GPC5: variants seen among roughly 807,000 people sequenced by gnomAD.
The protein encoded by GPC5 is glypican-5.
A neutral mutation model predicts 53.9 loss-of-function variants in GPC5; 47 were observed. The ratio of observed to expected loss-of-function variants is 0.87; its 90% confidence interval spans 0.69 to 1.11. The LOEUF (loss-of-function observed/expected upper bound fraction) is 1.11. Ranked by LOEUF, GPC5 falls within the 50% of genes most tolerant of loss-of-function variation. The probability of loss-of-function intolerance (pLI) is 0.00; values close to 1 mark genes in which losing one functional copy is unlikely to be tolerated. For synonymous variants in GPC5, 286 were observed against 263.3 expected (o/e 1.09, Z -0.84); for missense variants, 748 against 713.1 (o/e 1.05, Z -0.56).
chr13:92,044,037 T>G (rs111380134), intron 6 of GPC5, among the ~76,000 whole-genome samples: 2,853 of 152,314 alleles, frequency 0.019, 99 homozygotes, highest in African/African-American at 0.066. Context: ...CCCCTTTGAC[T>G]TGAACCATGG....
chr13:91,992,794 A>C (rs1000368388), intron 6 of GPC5, among the ~76,000 whole-genome samples: 1 of 152,156 alleles, frequency 6.6e-6, no homozygotes, highest in Non-Finnish European at 1.5e-5. Flanking sequence ...GTGCAATTAC[A>C]TATATATAAA....
In GPC5 at chr13:91,689,803, T is replaced by C. The variant is rs10129062; in HGVS notation, c.326-3384T>C. 5.3e-3 allele frequency among the ~76,000 whole-genome samples: 800 copies of C among 152,166 alleles called. 13 individuals are homozygous for C. The highest frequency in any genetic ancestry group is 0.035 in the South Asian group (167 of 4,824). ...GAGATGTCATCTCCTGTGATAACAA[T>C]GCCTTCCTCTGGAAGAACTCACTTA... On this transcript the variant is annotated intron_variant, in intron 2 of 7. Transcript: ENST00000377067.
intron 7 of GPC5, among the ~76,000 whole-genome samples, chr13:92,605,884 C>G (rs2139087889): frequency 6.6e-6 from 1 of 151,922 alleles, no homozygotes; most frequent in African/African-American, 2.4e-5. Context: ...GGTTATTAAT[C>G]AGTAATATAA....
At chr13:91,487,727 A>G (rs1173706574) in intron 2 of GPC5, among the ~76,000 whole-genome samples, 2 of 152,146 alleles carry the variant, frequency 1.3e-5, no homozygotes, top group African/African-American at 4.8e-5. Flanking sequence ...AAAATCTATT[A>G]TCTCTACTTC....
At chr13:92,607,654 GATAA>G (rs981117700) in intron 7 of GPC5, among the ~76,000 whole-genome samples, 23 of 151,962 alleles carry the variant, frequency 1.5e-4, no homozygotes, top group African/African-American at 5.3e-4. Flanking sequence ...CATTTTAATT[GATAA>G]ATAAAATTAT....
intron 6 of GPC5, among the ~76,000 whole-genome samples, chr13:92,125,401 T>A (rs1183588725): frequency 6.6e-6 from 1 of 152,164 alleles, no homozygotes; most frequent in Non-Finnish European, 1.5e-5. Flanking sequence ...GGCATGGAGA[T>A]AATGACAGAA....
At chr13:91,493,644 G>A (rs1884064431) in intron 2 of GPC5, among the ~76,000 whole-genome samples, 3 of 152,038 alleles carry the variant, frequency 2.0e-5, no homozygotes, top group African/African-American at 7.2e-5. Flanking sequence ...GGGGGCCCTC[G>A]AGGCTGCCTG....
In GPC5 at chr13:91,730,628, G is replaced by C. The variant is rs76377798; in HGVS notation, c.1154+1963G>C. Among the ~76,000 whole-genome samples the C allele has an allele frequency of 6.6e-3, 998 of 152,254 alleles. 13 individuals carry two copies. The highest frequency in any genetic ancestry group is 0.023 in the African/African-American group (958 of 41,558). On this transcript the variant is annotated intron_variant, in intron 4 of 7. Transcript: ENST00000377067. ...CCACACAGCCATGAAACTTCAGATA[G>C]CACTGAATAAGTAAACAGGCTTAAC...
intron 7 of GPC5, among the ~76,000 whole-genome samples, chr13:92,475,700 T>C (rs773465597): frequency 6.6e-6 from 1 of 152,074 alleles, no homozygotes; most frequent in South Asian, 2.1e-4. Flanking sequence ...TATAGATCAA[T>C]GGAACAGAAC....
intron 7 of GPC5, among the ~76,000 whole-genome samples, chr13:92,489,055 A>G (rs1244616324): frequency 6.6e-6 from 1 of 152,186 alleles, no homozygotes; most frequent in African/African-American, 2.4e-5. Flanking sequence ...ATTATGCACA[A>G]ATCAGCACAT....
chr13:92,496,584 C>T (rs1344421492), intron 7 of GPC5, among the ~76,000 whole-genome samples: 4 of 152,114 alleles, frequency 2.6e-5, no homozygotes, highest in Non-Finnish European at 5.9e-5. Context: ...AATAGGTATG[C>T]TTTAGTAGCA....
At chr13:91,971,443 G>A (rs1294949169) in intron 6 of GPC5, among the ~76,000 whole-genome samples, 1 of 152,146 alleles carries the variant, frequency 6.6e-6, no homozygotes, top group Non-Finnish European at 1.5e-5. Flanking sequence ...ATTTTTTGAA[G>A]AGATTTTGTG....
intron 7 of GPC5, among the ~76,000 whole-genome samples, chr13:92,385,137 G>A (rs1178784833): frequency 6.6e-6 from 1 of 151,736 alleles, no homozygotes; most frequent in African/African-American, 2.4e-5. Context: ...ATTTTAAAGT[G>A]TTGAAATATT....
At chr13:92,712,910 C>T (rs979975937) in intron 7 of GPC5, among the ~76,000 whole-genome samples, 1 of 152,096 alleles carries the variant, frequency 6.6e-6, no homozygotes, top group African/African-American at 2.4e-5. Flanking sequence ...CAGCTGTCCA[C>T]AAACCAGGGA....
chr13:92,572,211 G>C lies in GPC5; in HGVS notation c.1562-294071G>C, dbSNP rs568348371. Among the ~76,000 whole-genome samples, 6 of 152,134 alleles carry C rather than the reference G, an allele frequency of 3.9e-5. No homozygotes were observed. In the East Asian group the frequency reaches 1.2e-3, roughly 29 times the overall value. On this transcript the variant is annotated intron_variant, in intron 7 of 7. Coordinates refer to ENST00000377067, the MANE Select transcript of GPC5 (RefSeq NM_004466.6). Reference sequence around the variant, plus strand: ...TTTGTATAATATTGATTTTCCTTCAGAATTAAATATCTGGTCCGAGTTGAC... The same window carrying C: ...TTTGTATAATATTGATTTTCCTTCACAATTAAATATCTGGTCCGAGTTGAC...
intron 7 of GPC5, among the ~76,000 whole-genome samples, chr13:92,669,513 C>T (rs1886678676): frequency 6.6e-6 from 1 of 152,134 alleles, no homozygotes; most frequent in Admixed American, 6.6e-5. Flanking sequence ...ATATCGTCGG[C>T]TTGGCCAATG....
intron 6 of GPC5, among the ~76,000 whole-genome samples, chr13:92,117,212 T>C (rs771247383): frequency 1.6e-4 from 25 of 152,324 alleles, no homozygotes; most frequent in Admixed American, 3.9e-4. Flanking sequence ...TTTCTTGGTA[T>C]ACAGATGTCC....
intron 7 of GPC5, among the ~76,000 whole-genome samples, chr13:92,351,432 T>C (rs2043476425): frequency 6.6e-6 from 1 of 151,926 alleles, no homozygotes; most frequent in Admixed American, 6.6e-5. Flanking sequence ...GGAAGCAATA[T>C]TTTTAAAGAC....
chr13:91,666,712 G>T (rs2035122065), intron 2 of GPC5, among the ~76,000 whole-genome samples: 1 of 151,848 alleles, frequency 6.6e-6, no homozygotes, highest in South Asian at 2.1e-4. Context: ...AAGCATTGTA[G>T]CATTTTATAC....
Sources: gnomAD v4.1 joint callset for allele counts (sites outside exome capture counted in the v4.1 genomes callset) on GRCh38, gnomAD v4.1.1 for gene constraint, MANE v1.5 for transcripts, NCBI Gene and HGNC (gene_info 2026-07-23, HGNC 2026-07-21) for gene names.